Variants in CCDC134 observed in about 807,000 individuals in gnomAD.
The protein encoded by CCDC134 is coiled-coil domain containing 134.
CCDC134 carries 27 observed loss-of-function variants against 25.6 expected under a neutral mutation model. The ratio of observed to expected loss-of-function variants is 1.05; its 90% CI spans 0.78 to 1.45. The LOEUF is 1.45. Among genes scored for constraint, CCDC134 ranks in the 40% most tolerant of loss-of-function variants. The pLI is 0.00. For synonymous variants in CCDC134, 110 were observed against 115.0 expected, an observed-to-expected ratio of 0.96 and a Z score of 0.28; for missense variants, 261 against 286.7, an observed-to-expected ratio of 0.91 and a Z score of 0.65.
chr22:41,801,056 C>A (rs2076540054), intron 1 of CCDC134, among the ~76,000 whole-genome samples: 1 of 146,480 alleles, frequency 6.8e-6, no homozygotes, highest in Admixed American at 6.8e-5. Flanking sequence ...ACGGCAGGAT[C>A]GGGATTGAGA....
chr22:41,802,402 T>A lies in CCDC134; in HGVS notation c.-17+1636T>A, dbSNP rs944157307. 3.3e-5 allele frequency among the ~76,000 whole-genome samples: 5 copies of A among 151,286 alleles called. No homozygotes were observed. In the Admixed American group the frequency reaches 3.3e-4, roughly 10 times the overall value. On this transcript the variant is annotated intron_variant, in intron 1 of 6. Transcript: ENST00000255784. ...CTAGGAGTCTCCAGTTGGAGACTGG[T>A]GACTAGGAGTCAGTGTCAAAACCCT...
chr22:41,807,031 G>C (rs1343153511), intron 1 of CCDC134, among the ~76,000 whole-genome samples: 4 of 152,244 alleles, frequency 2.6e-5, no homozygotes, highest in South Asian at 4.1e-4. Flanking sequence ...CTGGGCAACA[G>C]AGCAAGACTC....
At chr22:41,811,732 A>G (rs1243389167) in intron 4 of CCDC134, among the ~76,000 whole-genome samples, 2 of 152,186 alleles carry the variant, frequency 1.3e-5, no homozygotes, top group South Asian at 2.1e-4. Flanking sequence ...CACCCGGCCA[A>G]AAGTATTGTT....
chr22:41,804,894 A>G (rs1250356268), intron 1 of CCDC134, among the ~76,000 whole-genome samples: 1 of 152,198 alleles, frequency 6.6e-6, no homozygotes, highest in African/African-American at 2.4e-5. Flanking sequence ...ACATGGTGAA[A>G]CGCTGTCTCT....
intron 6 of CCDC134, among the ~76,000 whole-genome samples, chr22:41,814,521 C>G (rs1030087966): frequency 6.6e-6 from 1 of 151,100 alleles, no homozygotes; most frequent in South Asian, 2.1e-4. Flanking sequence ...GAGCTGAGAT[C>G]GTGCCATTGC....
Position 41,830,223 on chromosome 22 carries a change from GA to G in CCDC134, c.*4404del, listed in dbSNP as rs2148326005. Among the ~76,000 whole-genome samples, 1 of 152,332 alleles carries G rather than the reference GA, an allele frequency of 6.6e-6. No homozygotes were observed. Among genetic ancestry groups the G allele is most frequent in the South Asian group, 2.1e-4 (1 of 4,824 alleles). ...GTTACATGGGATCCAGGGCCAGAGG[GA>G]AAATATCAGTGCTTCCTGAGGTTCG... On this transcript the variant is annotated 3_prime_UTR_variant, in exon 7 of 7. Coordinates refer to ENST00000255784, the MANE Select transcript of CCDC134 (RefSeq NM_024821.5).
intron 1 of CCDC134, among the ~76,000 whole-genome samples, chr22:41,807,076 G>C (rs537005299): frequency 1.3e-5 from 2 of 152,154 alleles, no homozygotes; most frequent in South Asian, 4.2e-4. Flanking sequence ...AAAAACTAGT[G>C]CCTTCAACTG....
At chr22:41,807,336 G>A (rs963330121) in intron 1 of CCDC134, among the ~76,000 whole-genome samples, 2 of 152,180 alleles carry the variant, frequency 1.3e-5, no homozygotes, top group African/African-American at 4.8e-5. Flanking sequence ...GCCAAGATGG[G>A]TGGATCACTT....
intron 1 of CCDC134, among the ~76,000 whole-genome samples, chr22:41,806,597 C>T (rs891078795): frequency 4.0e-5 from 6 of 151,886 alleles, no homozygotes; most frequent in Non-Finnish European, 5.9e-5. Flanking sequence ...ATTTATGTGT[C>T]GCAAGCAATA....
intron 6 of CCDC134, among the ~76,000 whole-genome samples, chr22:41,817,919 C>G (rs889207080): frequency 6.6e-6 from 1 of 152,100 alleles, no homozygotes; most frequent in Non-Finnish European, 1.5e-5. Context: ...AGGCCATTGT[C>G]TGACTGGCCT....
rs1186634808 is a variant in CCDC134 at position 41,825,184 on chromosome 22, G to A, written c.565-514G>A. ...GGCCAACAGAAGCTATGAGTTAGAC[G>A]AGACAATCTGGAGAGAGAGGAGGGA... On this transcript the variant is annotated intron_variant, in intron 6 of 6. Coordinates refer to ENST00000255784, the MANE Select transcript of CCDC134 (RefSeq NM_024821.5). The surrounding 1 kb of genome is among the most constrained non-coding windows in gnomAD (Gnocchi z 4.4). Among the ~76,000 whole-genome samples the A allele has an allele frequency of 6.6e-6, 1 of 152,078 alleles. No homozygotes were observed. The highest frequency in any genetic ancestry group is 1.5e-5 in the Non-Finnish European group (1 of 68,018).
At chr22:41,803,919 C>T (rs2076555721) in intron 1 of CCDC134, among the ~76,000 whole-genome samples, 2 of 152,206 alleles carry the variant, frequency 1.3e-5, no homozygotes, top group South Asian at 4.1e-4. Context: ...ATCACGAGGG[C>T]AGGAGATGGA....
At chr22:41,820,972 G>A (rs1362660054) in intron 6 of CCDC134, among the ~76,000 whole-genome samples, 1 of 152,186 alleles carries the variant, frequency 6.6e-6, no homozygotes, top group Non-Finnish European at 1.5e-5. Flanking sequence ...TGAGGCCTGG[G>A]ATGGGGCTGG....
In CCDC134 at chr22:41,828,824, G is replaced by A. The variant is rs1432803029; in HGVS notation, c.*3001G>A. Among the ~76,000 whole-genome samples the A allele has an allele frequency of 6.6e-6, 1 of 152,172 alleles. No individual in the cohort carries two copies. Among genetic ancestry groups the A allele is most frequent in the African/African-American group, 2.4e-5 (1 of 41,446 alleles). On this transcript the variant is annotated 3_prime_UTR_variant, in exon 7 of 7. Coordinates refer to ENST00000255784, the MANE Select transcript of CCDC134 (RefSeq NM_024821.5). Reference sequence around the variant, plus strand: ...ACAGGTACCAGGGGCAGCAGTGAAGGGGTGGCTCTAATGCCAAGTCCAGTG... The same window carrying A: ...ACAGGTACCAGGGGCAGCAGTGAAGAGGTGGCTCTAATGCCAAGTCCAGTG...
intron 1 of CCDC134, among the ~76,000 whole-genome samples, chr22:41,804,442 A>G (rs564642059): frequency 6.6e-6 from 1 of 152,344 alleles, no homozygotes; most frequent in African/African-American, 2.4e-5. Context: ...AGTCCAGTAT[A>G]CAAGTAGATA....
intron 6 of CCDC134, among the ~76,000 whole-genome samples, chr22:41,815,204 CTTTTTTTTTT>C (rs869174312): frequency 9.6e-4 from 117 of 122,124 alleles, no homozygotes; most frequent in African/African-American, 3.9e-3. Context: ...CTTTTCTTTT[CTTTTTTTTTT>C]TTTTTTTTTG....
Position 41,828,405 on chromosome 22 carries a change from C to T in CCDC134, c.*2582C>T, listed in dbSNP as rs1322852376. On this transcript the variant is annotated 3_prime_UTR_variant, in exon 7 of 7. Transcript: ENST00000255784. ...TGACTGCCTGCTATATATGCAGAGC[C>T]AAAGAGTGGGGCCTGGTCTTGAACT... Among the ~76,000 whole-genome samples the T allele has an allele frequency of 1.3e-5, 2 of 152,168 alleles. No homozygotes were observed.
intron 6 of CCDC134, among the ~76,000 whole-genome samples, chr22:41,818,186 G>C (rs2076631932): frequency 6.6e-6 from 1 of 152,192 alleles, no homozygotes. Context: ...CCTCCAAGTA[G>C]AGTCAAACAG....
Position 41,809,930 on chromosome 22 carries a change from AC to A in CCDC134, c.157del (p.Leu53TrpfsTer4), listed in dbSNP as rs2076585949. ...CGGGAGCAGCTGTTGGCACTGAAGAACCTGGCACAGCTGAACGACATCCACC... is the reference window on the plus strand; with the variant it reads ...CGGGAGCAGCTGTTGGCACTGAAGAACTGGCACAGCTGAACGACATCCACC... ...KRREQLLALK[N>X]LAQLNDIHQQ... On this transcript the variant is annotated frameshift_variant, in exon 3 of 7. Transcript: ENST00000255784. LOFTEE classifies it high-confidence loss of function. The A allele has an allele frequency of 6.2e-7, 1 of 1,614,106 alleles. No individual in the cohort carries two copies.
Sources: gnomAD v4.1 joint callset for allele counts (sites outside exome capture counted in the v4.1 genomes callset) on GRCh38, gnomAD v4.1.1 for gene constraint, Gnocchi (gnomAD v3.1) non-coding constraint, MANE v1.5 for transcripts, NCBI Gene and HGNC (gene_info 2026-07-23, HGNC 2026-07-21) for gene names.